TRIM9: variants seen among roughly 807,000 people sequenced by gnomAD.
TRIM9 encodes tripartite motif containing 9, also known as E3 ubiquitin-protein ligase TRIM9.
A neutral mutation model predicts 78.3 loss-of-function variants in TRIM9; 26 were observed. That is an observed-to-expected ratio of 0.33 (90% CI 0.24 to 0.46). The LOEUF (loss-of-function observed/expected upper bound fraction) is 0.46. TRIM9 is among the 20% of genes least tolerant of loss of function. The pLI is 1.00. For missense variants in TRIM9, 787 were observed against 1,036.4 expected (o/e 0.76, Z 3.30); for synonymous variants, 398 against 416.5 (o/e 0.96, Z 0.54).
intron 4 of TRIM9, among the ~76,000 whole-genome samples, chr14:51,009,441 G>A (rs2056284536): frequency 6.6e-6 from 1 of 152,140 alleles, no homozygotes; most frequent in Non-Finnish European, 1.5e-5. Context: ...TGTGAGTTGG[G>A]GGGCACTATA....
At chr14:51,094,001 G>A in intron 1 of TRIM9, 117 bp downstream of exon 1, 2 of 1,005,006 alleles carry the variant, frequency 2.0e-6, no homozygotes, top group Non-Finnish European at 3.0e-6. Context: ...AAACATCGAA[G>A]GCACCTGCAT....
At chr14:51,041,242 C>T (rs1344020240) in intron 1 of TRIM9, among the ~76,000 whole-genome samples, 1 of 152,220 alleles carries the variant, frequency 6.6e-6, no homozygotes, top group Non-Finnish European at 1.5e-5. Context: ...TAAATCTCAC[C>T]ATGGGAATTA....
intron 1 of TRIM9, among the ~76,000 whole-genome samples, chr14:51,054,572 G>A (rs892011842): frequency 2.0e-5 from 3 of 151,936 alleles, no homozygotes; most frequent in Non-Finnish European, 4.4e-5. Flanking sequence ...CATTGCCGCC[G>A]GCCAATGCTC....
intron 1 of TRIM9, among the ~76,000 whole-genome samples, chr14:51,070,556 A>G (rs1344163333): frequency 6.6e-6 from 1 of 151,550 alleles, no homozygotes; most frequent in East Asian, 1.9e-4. Context: ...TTGCATTATA[A>G]TGGTTCAGCA....
At chr14:51,050,596 T>G (rs971390411) in intron 1 of TRIM9, among the ~76,000 whole-genome samples, 1 of 152,198 alleles carries the variant, frequency 6.6e-6, no homozygotes, top group Non-Finnish European at 1.5e-5. Flanking sequence ...AGGGTCTATG[T>G]TTCCCCTCCT....
chr14:51,076,532 A>G (rs1211894991), intron 1 of TRIM9, among the ~76,000 whole-genome samples: 1 of 152,094 alleles, frequency 6.6e-6, no homozygotes, highest in African/African-American at 2.4e-5. Context: ...TCATAGTAAA[A>G]ACCTGGGTTT....
chr14:50,999,384 TC>T (rs1166361523), intron 6 of TRIM9, among the ~76,000 whole-genome samples: 1 of 151,404 alleles, frequency 6.6e-6, no homozygotes, highest in East Asian at 1.9e-4. Context: ...ACACACACTC[TC>T]ACACACACTG....
intron 3 of TRIM9, among the ~76,000 whole-genome samples, chr14:51,017,031 G>A (rs144431014): frequency 6.4e-4 from 97 of 152,300 alleles, no homozygotes; most frequent in African/African-American, 2.3e-3. Flanking sequence ...AATTAACTGT[G>A]TGAATTAAAG....
In TRIM9 at chr14:51,061,344, C is replaced by T. The variant is rs375143107; in HGVS notation, c.822+32774G>A. 2.9e-3 allele frequency among the ~76,000 whole-genome samples: 412 copies of T among 144,468 alleles called. 19 individuals carry two copies. The South Asian group carries it at 0.086, about 30-fold the overall frequency. 94.8% of individuals were successfully genotyped at this position (144,468 alleles called of 152,430 possible). On this transcript the variant is annotated intron_variant, in intron 1 of 12. Transcript: ENST00000684578. ...AGGAGAATCACTTGAACCCAGGAGG[C>T]GGAGGTTGCAGTGAGCCGAGATCAC...
Position 51,022,856 on chromosome 14 carries a change from C to A in TRIM9, c.1020G>T (p.Lys340Asn), listed in dbSNP as rs200287648. The A allele has an allele frequency of 1.7e-5, 27 of 1,614,176 alleles. No homozygotes were observed. In the Admixed American group the frequency reaches 3.8e-4, roughly 23 times the overall value. The change falls in exon 3 of 13, where the codon AAG becomes AAT. Residue 340 changes from lysine (K) to asparagine (N), a missense_variant. By Grantham distance (94) the Lys-to-Asn change is moderately conservative (BLOSUM62 0). Transcript: ENST00000684578. ...RKAQLLARVN[K>N]EHEHKLKVVR... ...TCACCTTCAGCTTGTGCTCATGCTC[C>A]TTGTTGACGCGGGCCAGCAGCTGGG... is the stretch of plus-strand genomic sequence containing the variant.
chr14:51,083,348 C>T (rs1361601752), intron 1 of TRIM9, among the ~76,000 whole-genome samples: 1 of 152,130 alleles, frequency 6.6e-6, no homozygotes, highest in Non-Finnish European at 1.5e-5. Flanking sequence ...AACTCCTGGG[C>T]TCAAGTGACT....
intron 1 of TRIM9, chr14:51,091,390 C>T (rs1178455878): frequency 7.2e-5 from 11 of 152,164 alleles, no homozygotes; most frequent in African/African-American, 2.7e-4. Flanking sequence ...ATATGAATGA[C>T]AACTTTTCAG....
chr14:50,995,137 C>A (rs2054035351), intron 7 of TRIM9, among the ~76,000 whole-genome samples: 1 of 152,108 alleles, frequency 6.6e-6, no homozygotes, highest in South Asian at 2.1e-4. Flanking sequence ...CAGGCATGAG[C>A]TACGGCACCT....
Position 50,986,139 on chromosome 14 carries a change from C to CT in TRIM9, c.1608dup (p.Asp537ArgfsTer20). On this transcript the variant is annotated frameshift_variant, in exon 8 of 13. Coordinates refer to ENST00000684578, the MANE Select transcript of TRIM9 (RefSeq NM_001387360.1). LOFTEE classifies it high-confidence loss of function. ...AAAGGGAGGGTCTGTTCTTCTGAAT[C>CT]TGTGTCTAAATGTAAGATCAATGCA... is the stretch of plus-strand genomic sequence containing the variant. 6.6e-7 allele frequency: 1 copy of CT among 1,520,746 alleles called. No individual in the cohort carries two copies. The highest frequency in any genetic ancestry group is 8.8e-7 in the Non-Finnish European group (1 of 1,131,502). 94.2% of individuals were successfully genotyped at this position (1,520,746 alleles called of 1,614,324 possible). A position where few individuals can be genotyped will look rare whatever the true frequency, so the allele number is the denominator to read the frequency against.
intron 1 of TRIM9, among the ~76,000 whole-genome samples, chr14:51,068,370 C>T (rs1239325307): frequency 1.3e-5 from 2 of 152,112 alleles, no homozygotes; most frequent in Non-Finnish European, 2.9e-5. Flanking sequence ...AAACCCAAAT[C>T]AATATATGTG....
intron 5 of TRIM9, among the ~76,000 whole-genome samples, chr14:51,004,058 T>C (rs983887366): frequency 3.3e-5 from 5 of 152,266 alleles, no homozygotes; most frequent in African/African-American, 4.8e-5. Context: ...TTACAGTTTC[T>C]GGACTGAAAT....
In TRIM9 at chr14:51,008,967, T is replaced by C. The variant is rs191076558; in HGVS notation, c.1306+113A>G. On this transcript the variant is annotated intron_variant, in intron 5 of 12. Coordinates refer to ENST00000684578, the MANE Select transcript of TRIM9 (RefSeq NM_001387360.1). ...TAAGGATACATTTTCATTACATAAGTTAGAAGCCACTCCATATTCTTGTTA... is the reference window on the plus strand; with the variant it reads ...TAAGGATACATTTTCATTACATAAGCTAGAAGCCACTCCATATTCTTGTTA... 2.7e-4 allele frequency: 286 copies of C among 1,051,478 alleles called. No homozygotes were observed. In the East Asian group the frequency reaches 5.7e-3, roughly 21 times the overall value. The allele number at this position is 1,051,478 out of a possible 1,614,324, so 65.1% of individuals were successfully genotyped here.
intron 12 of TRIM9, chr14:50,978,902 G>T (rs940060038): frequency 5.2e-5 from 52 of 1,004,478 alleles, no homozygotes; most frequent in Non-Finnish European, 6.2e-5. Context: ...TGACTAAGTT[G>T]TAGGTAGGGA....
At position 50,977,252 on chromosome 14, in the gene TRIM9, G is replaced by T; in HGVS notation, c.*39C>A. On this transcript the variant is annotated 3_prime_UTR_variant, in exon 13 of 13. Transcript: ENST00000684578. The stretch of plus-strand genomic sequence containing the variant: ...CTCCTTGCTGTGGCTCTCGCAGGCG[G>T]AGGTAAGAACAGGCAGCTGGCGCCT... 1 of 1,407,586 alleles carries T rather than the reference G, an allele frequency of 7.1e-7. No individual in the cohort carries two copies. Among genetic ancestry groups the T allele is most frequent in the Non-Finnish European group, 9.4e-7 (1 of 1,066,996 alleles). 87.2% of individuals were successfully genotyped at this position (1,407,586 alleles called of 1,614,324 possible).
Sources: gnomAD v4.1 joint callset for allele counts (sites outside exome capture counted in the v4.1 genomes callset) on GRCh38, gnomAD v4.1.1 for gene constraint, MANE v1.5 for transcripts, NCBI Gene and HGNC (gene_info 2026-07-23, HGNC 2026-07-21) for gene names.